TLCD3B: variants seen among roughly 807,000 people sequenced by gnomAD.
The protein encoded by TLCD3B is ceramide synthase.
In TLCD3B, 9 loss-of-function variants were observed where a neutral mutation model predicts 23.0. That is an observed-to-expected ratio of 0.39 (90% CI 0.24 to 0.68). The LOEUF (loss-of-function observed/expected upper bound fraction) is 0.68. TLCD3B is among the 30% of genes least tolerant of loss of function. The pLI is 0.44. For synonymous variants in TLCD3B, 161 were observed against 161.0 expected, an observed-to-expected ratio of 1.00 and a Z score of 0.00; for missense variants, 307 against 371.8, an observed-to-expected ratio of 0.83 and a Z score of 1.43.
chr16:30,040,325 A>G (rs2071561850), intron 3 of TLCD3B, among the ~76,000 whole-genome samples: 1 of 151,890 alleles, frequency 6.6e-6, no homozygotes, highest in Non-Finnish European at 1.5e-5. Flanking sequence ...CATTCTGAGC[A>G]CCCACTGTAT....
upstream of TLCD3B, chr16:30,036,235 G>T: frequency 7.8e-7 from 1 of 1,288,980 alleles, no homozygotes; most frequent in African/African-American, 1.5e-5. Context: ...GGAAGGGAGG[G>T]GGTTGTCAAG....
chr16:30,032,055 G>A (rs2071373737), upstream of TLCD3B, among the ~76,000 whole-genome samples: 2 of 152,104 alleles, frequency 1.3e-5, no homozygotes, highest in Non-Finnish European at 2.9e-5. Context: ...TTTCCTTAAT[G>A]CTACTAGCTC....
rs932619620 is a variant in TLCD3B, at chr16:30,029,710, G to A, written c.126-195C>T. Among the ~76,000 whole-genome samples, 8 of 152,130 alleles carry A rather than the reference G, an allele frequency of 5.3e-5. No homozygotes were observed. Among genetic ancestry groups the A allele is most frequent in the East Asian group, 1.9e-4 (1 of 5,180 alleles). ...TACCTCACGGCTCTCCGGCCCGCTC[G>A]GCTGCTGTTCCTCAGTCCACCCCAC... On this transcript the variant is annotated intron_variant, in intron 1 of 4. Coordinates refer to ENST00000380495, the MANE Select transcript of TLCD3B (RefSeq NM_031478.6). This position sits in a 1 kb window ranked among gnomAD's most constrained non-coding sequence, Gnocchi z 4.6.
chr16:30,027,016 A>G, intron 2 of TLCD3B, 173 bp from the exon 3 acceptor site: 1 of 696,662 alleles, frequency 1.4e-6, no homozygotes, highest in Non-Finnish European at 2.6e-6. Context: ...ACAGTCATGC[A>G]GCTAGTAAGA....
chr16:30,030,554 C>T lies in TLCD3B; in HGVS notation c.-27G>A. The T allele has an allele frequency of 6.5e-7, 1 of 1,548,344 alleles. No individual in the cohort carries two copies. The highest frequency in any genetic ancestry group is 8.7e-7 in the Non-Finnish European group (1 of 1,151,840). On this transcript the variant is annotated 5_prime_UTR_variant, in exon 1 of 5. Transcript: ENST00000380495. ...GTGGCTCAGGACTTGGGCAGGGAGG[C>T]AGGCGGGCCGTGAAGGGGCAGGGAG...
chr16:30,032,026 C>G (rs1257641431), upstream of TLCD3B, among the ~76,000 whole-genome samples: 1 of 152,218 alleles, frequency 6.6e-6, no homozygotes, highest in Non-Finnish European at 1.5e-5. Context: ...TAAATTCCCA[C>G]CCCTCACTTT....
upstream of TLCD3B, among the ~76,000 whole-genome samples, chr16:30,031,898 A>G (rs906814334): frequency 7.2e-5 from 11 of 152,220 alleles, no homozygotes; most frequent in South Asian, 1.7e-3. Context: ...AGGGGCAAGG[A>G]GTGGAAGAAG....
At chr16:30,034,857 T>G (rs2071436461), upstream of TLCD3B, among the ~76,000 whole-genome samples, 1 of 151,960 alleles carries the variant, frequency 6.6e-6, no homozygotes, top group African/African-American at 2.4e-5. Context: ...GGATCTGAAG[T>G]TCAGAGAAGT....
chr16:30,051,870 G>A (rs78210758), intron 1 of TLCD3B, among the ~76,000 whole-genome samples: 10,301 of 152,228 alleles, frequency 0.068, 422 homozygotes, highest in Middle Eastern at 0.13. Context: ...AAGACAGAGG[G>A]TGTTCCAGGC....
chr16:30,029,409 G>T lies in TLCD3B; in HGVS notation c.209+23C>A. 2 of 1,602,718 alleles carry T rather than the reference G, an allele frequency of 1.2e-6. No homozygotes were observed. Among genetic ancestry groups the T allele is most frequent in the South Asian group, 1.1e-5 (1 of 90,624 alleles). ...CACGCCAACCACTGGCACCTGGGCA[G>T]GGGGGTGTCTCGCAGCACTTACTGG... On this transcript the variant is annotated intron_variant, in intron 2 of 4. Coordinates refer to ENST00000380495, the MANE Select transcript of TLCD3B (RefSeq NM_031478.6). The surrounding 1 kb of genome is among the most constrained non-coding windows in gnomAD (Gnocchi z 4.6).
At chr16:30,046,727 A>G (rs2071680788) in intron 1 of TLCD3B, 1 of 151,732 alleles carries the variant, frequency 6.6e-6, no homozygotes, top group Non-Finnish European at 1.5e-5. Context: ...AAATTTCACA[A>G]CCTCTCTGAG....
Position 30,025,005 on chromosome 16 carries a change from G to T in TLCD3B, c.*178C>A. 2 of 540,480 alleles carry T rather than the reference G, an allele frequency of 3.7e-6. No individual in the cohort carries two copies. The highest frequency in any genetic ancestry group is 6.4e-6 in the Non-Finnish European group (2 of 312,634). 33.5% of individuals were successfully genotyped at this position (540,480 alleles called of 1,614,324 possible). ...GAAGGGGGCAGAGTAGGGGGAAGAG[G>T]TCCCCTCTCTCCACCCCCTCAGTCC... On this transcript the variant is annotated 3_prime_UTR_variant, in exon 5 of 5. Transcript: ENST00000380495. The surrounding 1 kb of genome is among the most constrained non-coding windows in gnomAD (Gnocchi z 4.1).
At chr16:30,048,065 C>T (rs2071699909) in intron 1 of TLCD3B, among the ~76,000 whole-genome samples, 1 of 150,938 alleles carries the variant, frequency 6.6e-6, no homozygotes. Flanking sequence ...TCGCTTGAAC[C>T]CAGAAGGCAG....
At chr16:30,038,929 A>G (rs1467478409) in intron 3 of TLCD3B, among the ~76,000 whole-genome samples, 1 of 151,992 alleles carries the variant, frequency 6.6e-6, no homozygotes, top group African/African-American at 2.4e-5. Flanking sequence ...TTTTAAAATC[A>G]TATTTTCTGA....
Position 30,029,969 on chromosome 16 carries a change from T to C in TLCD3B, c.125+434A>G. 8.1e-7 allele frequency: 1 copy of C among 1,231,922 alleles called. No homozygotes were observed. Among genetic ancestry groups the C allele is most frequent in the Admixed American group, 2.3e-5 (1 of 43,760 alleles). 76.3% of individuals were successfully genotyped at this position (1,231,922 alleles called of 1,614,324 possible). The stretch of plus-strand genomic sequence containing the variant: ...AGTCACTTTCCCACTGTCTCCTGAC[T>C]GCCACCAGCCTCCACTCTGCACTCT... On this transcript the variant is annotated intron_variant, in intron 1 of 4. Coordinates refer to ENST00000380495, the MANE Select transcript of TLCD3B (RefSeq NM_031478.6). This position sits in a 1 kb window ranked among gnomAD's most constrained non-coding sequence, Gnocchi z 4.6.
In TLCD3B at chr16:30,025,163, G is replaced by A; in HGVS notation, c.*20C>T. 1 of 1,407,362 alleles carries A rather than the reference G, an allele frequency of 7.1e-7. No homozygotes were observed. The highest frequency in any genetic ancestry group is 1.5e-5 in the South Asian group (1 of 66,514). The allele number at this position is 1,407,362 out of a possible 1,614,324, so 87.2% of individuals were successfully genotyped here. A position where few individuals can be genotyped will look rare whatever the true frequency, so the allele number is the denominator to read the frequency against. ...CCACGGGGGTGGGGGTGGGGAGGGGGAGGGTCCCGGCCCCCGGCCTCAGTC... is the reference window on the plus strand; with the variant it reads ...CCACGGGGGTGGGGGTGGGGAGGGGAAGGGTCCCGGCCCCCGGCCTCAGTC... On this transcript the variant is annotated 3_prime_UTR_variant, in exon 5 of 5. Transcript: ENST00000380495. The surrounding 1 kb of genome is among the most constrained non-coding windows in gnomAD (Gnocchi z 4.1).
At position 30,029,318 on chromosome 16, in the gene TLCD3B, G is replaced by A. The variant is rs2071279901; in HGVS notation, c.209+114C>T. ...TTGCAGTTAACTTGCTCAGGCCCAA[G>A]TTAAGGGCTTGGGGACCACAGACAG... On this transcript the variant is annotated intron_variant, in intron 2 of 4. Coordinates refer to ENST00000380495, the MANE Select transcript of TLCD3B (RefSeq NM_031478.6). This position sits in a 1 kb window ranked among gnomAD's most constrained non-coding sequence, Gnocchi z 4.6. 4 of 920,886 alleles carry A rather than the reference G, an allele frequency of 4.3e-6. No homozygotes were observed. The East Asian group carries it at 1.0e-4, about 24-fold the overall frequency. The allele number at this position is 920,886 out of a possible 1,614,324, so 57.0% of individuals were successfully genotyped here.
chr16:30,028,586 C>A (rs961220424), intron 2 of TLCD3B, among the ~76,000 whole-genome samples: 1 of 152,158 alleles, frequency 6.6e-6, no homozygotes, highest in Non-Finnish European at 1.5e-5. Context: ...CAATTCCTCT[C>A]GCTGAAGCCC....
At chr16:30,028,729 G>A (rs1235008088) in intron 2 of TLCD3B, among the ~76,000 whole-genome samples, 1 of 152,178 alleles carries the variant, frequency 6.6e-6, no homozygotes, top group Non-Finnish European at 1.5e-5. Flanking sequence ...GCCACAGAAG[G>A]GAAGCGGTGC....
Sources: gnomAD v4.1 joint callset for allele counts (sites outside exome capture counted in the v4.1 genomes callset) on GRCh38, gnomAD v4.1.1 for gene constraint, Gnocchi (gnomAD v3.1) non-coding constraint, MANE v1.5 for transcripts, NCBI Gene and HGNC (gene_info 2026-07-23, HGNC 2026-07-21) for gene names.